Variants in CUBN observed in about 807,000 individuals in gnomAD.
CUBN encodes the protein cubilin.
In CUBN, 282 loss-of-function variants were observed where a neutral mutation model predicts 405.3. The observed-to-expected ratio is 0.70, with a 90% CI of 0.63 to 0.77. The LOEUF (loss-of-function observed/expected upper bound fraction) is 0.77. Ranked by LOEUF, CUBN falls within the 30% of genes least tolerant of loss-of-function variation. CUBN has a pLI of 0.00. For missense variants in CUBN, 4,514 were observed against 4,475.2 expected (o/e 1.01, Z -0.25); for synonymous variants, 1,684 against 1,617.0 (o/e 1.04, Z -0.99).
chr10:16,932,675 T>C (rs1842393814), intron 40 of CUBN, among the ~76,000 whole-genome samples: 1 of 152,182 alleles, frequency 6.6e-6, no homozygotes, highest in Non-Finnish European at 1.5e-5. Flanking sequence ...ATCCTTCTCC[T>C]CGACCTCCCA....
chr10:17,065,465 C>A, intron 22 of CUBN, 43 bp downstream of exon 22: 2 of 1,609,726 alleles, frequency 1.2e-6, no homozygotes, highest in South Asian at 2.2e-5. Context: ...CACTGTTTTG[C>A]AATGGAGTCA....
At chr10:17,077,329 G>C (rs551672663) in intron 17 of CUBN, among the ~76,000 whole-genome samples, 1 of 152,184 alleles carries the variant, frequency 6.6e-6, no homozygotes, top group African/African-American at 2.4e-5. Flanking sequence ...TTTTGTAAAG[G>C]AATGATTTTC....
At chr10:17,123,500 A>G in intron 5 of CUBN, 88 bp downstream of exon 5, 1 of 1,026,590 alleles carries the variant, frequency 9.7e-7, no homozygotes, top group Non-Finnish European at 1.5e-6. Flanking sequence ...TAGAAACTTT[A>G]GATGGAGAAT....
chr10:16,946,765 G>A (rs756387858), intron 36 of CUBN, among the ~76,000 whole-genome samples: 1 of 152,088 alleles, frequency 6.6e-6, no homozygotes, highest in South Asian at 2.1e-4. Flanking sequence ...CAAAGTGCGG[G>A]ATTACAGGCA....
chr10:17,052,646 G>A (rs372131029), intron 22 of CUBN, among the ~76,000 whole-genome samples: 1 of 150,806 alleles, frequency 6.6e-6, no homozygotes, highest in African/African-American at 2.4e-5. Flanking sequence ...TGTAGTCCCA[G>A]CTACTCGGGA....
At chr10:16,945,605 TA>T (rs1275255125) in intron 36 of CUBN, among the ~76,000 whole-genome samples, 1 of 151,578 alleles carries the variant, frequency 6.6e-6, no homozygotes, top group Non-Finnish European at 1.5e-5. Context: ...CCATCACTAC[TA>T]AAAATATAAA....
chr10:16,915,265 A>G, intron 46 of CUBN, 93 bp from the exon 47 acceptor site: 2 of 1,468,460 alleles, frequency 1.4e-6, no homozygotes, highest in Non-Finnish European at 1.9e-6. Flanking sequence ...AGAAAATAAT[A>G]AAAAACAAGA....
intron 56 of CUBN, 95 bp downstream of exon 56, chr10:16,888,322 T>C: frequency 1.0e-6 from 1 of 1,002,326 alleles, no homozygotes; most frequent in Non-Finnish European, 1.5e-6. Flanking sequence ...TTAGCCACTC[T>C]ACAACATGTA....
intron 30 of CUBN, 108 bp downstream of exon 30, chr10:16,983,997 T>C: frequency 8.2e-7 from 1 of 1,225,182 alleles, no homozygotes; most frequent in Non-Finnish European, 1.2e-6. Context: ...CCCTTTGGGA[T>C]GTCACTAAGT....
chr10:17,118,581 T>C (rs1836959796), intron 6 of CUBN, among the ~76,000 whole-genome samples: 1 of 152,162 alleles, frequency 6.6e-6, no homozygotes, highest in Non-Finnish European at 1.5e-5. Context: ...GGACTACAGA[T>C]GCGTGCCAGC....
In CUBN at chr10:17,016,530, G is replaced by C. The variant is rs1834332672; in HGVS notation, c.4168+3303C>G. ...CAAGTGAGATCAAAGGTTTGCCCTA[G>C]ACCCTGTAGGACATCTATGTACCTA... is the stretch of plus-strand genomic sequence containing the variant. On this transcript the variant is annotated intron_variant, in intron 28 of 66. Transcript: ENST00000377833. 2.0e-5 allele frequency among the ~76,000 whole-genome samples: 3 copies of C among 152,152 alleles called. No homozygotes were observed. The South Asian group carries it at 6.2e-4, about 32-fold the overall frequency.
At chr10:16,886,919 G>C (rs1840837717) in intron 56 of CUBN, among the ~76,000 whole-genome samples, 1 of 152,188 alleles carries the variant, frequency 6.6e-6, no homozygotes, top group Non-Finnish European at 1.5e-5. Flanking sequence ...CTCCCGAGTA[G>C]CTGGGATTAC....
chr10:17,105,785 T>C (rs1244950863), intron 10 of CUBN, among the ~76,000 whole-genome samples: 1 of 152,200 alleles, frequency 6.6e-6, no homozygotes, highest in Non-Finnish European at 1.5e-5. Flanking sequence ...ATTAAATGCC[T>C]TCCACACATT....
Position 17,084,204 on chromosome 10 carries a change from C to T in CUBN, c.2301+67G>A, listed in dbSNP as rs1370856488. 6 of 1,512,834 alleles carry T rather than the reference C, an allele frequency of 4.0e-6. No individual in the cohort carries two copies. In the African/African-American group the frequency reaches 5.5e-5, roughly 14 times the overall value. The allele number at this position is 1,512,834 out of a possible 1,614,324, so 93.7% of individuals were successfully genotyped here. A position where few individuals can be genotyped will look rare whatever the true frequency, so the allele number is the denominator to read the frequency against. ...GGTGGCCCAACAATCTTTTGAAGAC[C>T]ACCACTCTGCAGAATATAAAAATGT... On this transcript the variant is annotated intron_variant, in intron 17 of 66. Coordinates refer to ENST00000377833, the MANE Select transcript of CUBN (RefSeq NM_001081.4).
intron 58 of CUBN, among the ~76,000 whole-genome samples, chr10:16,873,157 T>A (rs1362214651): frequency 1.3e-5 from 2 of 152,146 alleles, no homozygotes; most frequent in East Asian, 3.9e-4. Context: ...CAGGCTTCTG[T>A]ATGGAAAGTC....
chr10:16,907,814 G>T (rs1231807218), intron 48 of CUBN, 135 bp from the exon 49 acceptor site: 37 of 876,606 alleles, frequency 4.2e-5, no homozygotes, highest in South Asian at 8.7e-5. Context: ...AACAATGCAG[G>T]TTTCTATCGC....
chr10:17,111,305 C>A (rs955936491), intron 8 of CUBN, among the ~76,000 whole-genome samples: 9 of 152,172 alleles, frequency 5.9e-5, no homozygotes, highest in African/African-American at 2.2e-4. Flanking sequence ...AGAGCTCTGG[C>A]AGTATTCACT....
chr10:17,071,017 T>A (rs1189027171), intron 19 of CUBN, among the ~76,000 whole-genome samples: 1 of 152,248 alleles, frequency 6.6e-6, no homozygotes, highest in African/African-American at 2.4e-5. Flanking sequence ...ATGTCCATTA[T>A]GAGATTAAGG....
At chr10:16,839,132 CA>C (rs1839265814) in intron 62 of CUBN, among the ~76,000 whole-genome samples, 1 of 152,106 alleles carries the variant, frequency 6.6e-6, no homozygotes, top group African/African-American at 2.4e-5. Context: ...ACCAAAACAC[CA>C]GAGGTGTTTG....
Sources: allele counts gnomAD v4.1 joint callset (sites outside exome capture counted in the v4.1 genomes callset), GRCh38; gene constraint gnomAD v4.1.1; transcripts MANE v1.5; gene names NCBI Gene and HGNC (gene_info 2026-07-23, HGNC 2026-07-21).